Variants in NOX4 observed in about 807,000 individuals in gnomAD.
The protein encoded by NOX4 is NADPH oxidase 4.
NOX4 carries 69 observed loss-of-function variants against 87.6 expected under a neutral mutation model. The observed-to-expected ratio is 0.79, with a 90% CI of 0.65 to 0.96. NOX4 has a LOEUF of 0.96. Ranked by LOEUF, NOX4 falls within the 40% of genes least tolerant of loss-of-function variation. NOX4 has a pLI of 0.00. For synonymous variants in NOX4, 275 were observed against 238.2 expected (o/e 1.15, Z -1.42); for missense variants, 680 against 681.5 (o/e 1.00, Z 0.02).
intron 7 of NOX4, among the ~76,000 whole-genome samples, chr11:89,428,764 T>A (rs1278965437): frequency 6.6e-6 from 1 of 152,120 alleles, no homozygotes; most frequent in Non-Finnish European, 1.5e-5. Context: ...ACAATAATAA[T>A]GGGAGACTAT....
At chr11:89,438,818 T>TAATATATAATATATTATATAATA (rs1273820532) in intron 6 of NOX4, among the ~76,000 whole-genome samples, 2 of 3,662 alleles carry the variant, frequency 5.5e-4, no homozygotes, top group Non-Finnish European at 8.0e-4. Context: ...ATTATATATA[T>TAATATATAATATATTATATAATA]TATATAATAT....
At chr11:89,432,012 T>C (rs1019214356) in intron 7 of NOX4, among the ~76,000 whole-genome samples, 4 of 152,174 alleles carry the variant, frequency 2.6e-5, no homozygotes, top group Non-Finnish European at 5.9e-5. Context: ...CATGGATTAC[T>C]ATGCAGCCAT....
At chr11:89,472,481 T>C (rs896381396) in intron 2 of NOX4, among the ~76,000 whole-genome samples, 1 of 152,202 alleles carries the variant, frequency 6.6e-6, no homozygotes. Context: ...ATAATGACTT[T>C]ATATTCAGAT....
At chr11:89,535,299 A>C in the NOX4 span, among the ~76,000 whole-genome samples, 1 of 152,236 alleles carries the variant, frequency 6.6e-6, no homozygotes, top group Non-Finnish European at 1.5e-5. Context: ...CTAATCATCC[A>C]ACCCCATTTG....
the NOX4 span, among the ~76,000 whole-genome samples, chr11:89,518,767 T>G: frequency 6.6e-6 from 1 of 152,074 alleles, no homozygotes; most frequent in Admixed American, 6.6e-5. Flanking sequence ...TAATGAACCA[T>G]GTGACGTGGA....
chr11:89,420,925 AG>A (rs1358187809), intron 8 of NOX4, among the ~76,000 whole-genome samples: 1 of 152,156 alleles, frequency 6.6e-6, no homozygotes, highest in East Asian at 1.9e-4. Context: ...CTTGATCCCA[AG>A]GGCATCCCTT....
chr11:89,473,564 A>G (rs1453196644), intron 2 of NOX4, among the ~76,000 whole-genome samples: 1 of 152,158 alleles, frequency 6.6e-6, no homozygotes, highest in Admixed American at 6.6e-5. Context: ...AAACTCATAT[A>G]GTGAATATAG....
At chr11:89,559,511 G>A in the NOX4 span, among the ~76,000 whole-genome samples, 7 of 152,034 alleles carry the variant, frequency 4.6e-5, no homozygotes, top group Admixed American at 2.6e-4. Context: ...AACTACCAAG[G>A]TGAGGTCACT....
the NOX4 span, among the ~76,000 whole-genome samples, chr11:89,510,726 G>C: frequency 6.6e-6 from 1 of 152,016 alleles, no homozygotes; most frequent in Non-Finnish European, 1.5e-5. Flanking sequence ...ATAGGATTAT[G>C]TTTCCATTTT....
At chr11:89,418,175 T>C (rs1177258641) in intron 8 of NOX4, among the ~76,000 whole-genome samples, 1 of 151,836 alleles carries the variant, frequency 6.6e-6, no homozygotes, top group African/African-American at 2.4e-5. Context: ...GATTGCAATG[T>C]TTGTAGTGAA....
At chr11:89,349,065 G>C (rs1259086092) in intron 13 of NOX4, among the ~76,000 whole-genome samples, 1 of 152,080 alleles carries the variant, frequency 6.6e-6, no homozygotes, top group Non-Finnish European at 1.5e-5. Flanking sequence ...AAGACGGGTA[G>C]ATCACCAGGT....
the NOX4 span, among the ~76,000 whole-genome samples, chr11:89,585,491 T>A: frequency 1.3e-5 from 2 of 152,174 alleles, no homozygotes; most frequent in African/African-American, 4.8e-5. Context: ...GGCCACATAG[T>A]AAATATTTTA....
chr11:89,400,614 G>C (rs1941781047), intron 9 of NOX4, among the ~76,000 whole-genome samples: 1 of 151,926 alleles, frequency 6.6e-6, no homozygotes, highest in African/African-American at 2.4e-5. Flanking sequence ...CATGCCCTGG[G>C]TGTAACTATC....
chr11:89,542,086 C>G, the NOX4 span, among the ~76,000 whole-genome samples: 1 of 152,162 alleles, frequency 6.6e-6, no homozygotes, highest in Non-Finnish European at 1.5e-5. Flanking sequence ...GCTGGGATTA[C>G]AGGCATGAGC....
At chr11:89,566,575 TATAC>T in the NOX4 span, among the ~76,000 whole-genome samples, 2,371 of 152,176 alleles carry the variant, frequency 0.016, 55 homozygotes, top group African/African-American at 0.054. Context: ...GTAGAAGACA[TATAC>T]ATAAAAATAC....
chr11:89,582,422 A>T, the NOX4 span, among the ~76,000 whole-genome samples: 1 of 152,002 alleles, frequency 6.6e-6, no homozygotes, highest in Admixed American at 6.6e-5. Context: ...TGTTGGATCA[A>T]ATAATTCTAT....
chr11:89,423,395 T>C (rs1474778278), intron 7 of NOX4, among the ~76,000 whole-genome samples: 16 of 152,202 alleles, frequency 1.1e-4, no homozygotes, highest in Non-Finnish European at 5.9e-5. Flanking sequence ...TTTTAATTCA[T>C]ATGTGTAATT....
intron 2 of NOX4, chr11:89,488,764 C>T (rs1946730274): frequency 4.6e-6 from 2 of 436,756 alleles, no homozygotes; most frequent in Non-Finnish European, 8.0e-6. Flanking sequence ...GATAAAGCTT[C>T]CACTGAAAAA....
chr11:89,360,729 T>A (rs975859285), intron 12 of NOX4, among the ~76,000 whole-genome samples: 37 of 151,970 alleles, frequency 2.4e-4, no homozygotes, highest in African/African-American at 8.5e-4. Flanking sequence ...TTCCAGAATC[T>A]ACAAGGAATT....
Sources: allele counts gnomAD v4.1 joint callset (sites outside exome capture counted in the v4.1 genomes callset), GRCh38; gene constraint gnomAD v4.1.1; transcripts MANE v1.5; gene names NCBI Gene and HGNC (gene_info 2026-07-23, HGNC 2026-07-21).